The following GRM5 variants were observed in gnomAD, a reference collection of about 807,000 sequenced individuals.
The protein encoded by GRM5 is glutamate metabotropic receptor 5.
A neutral mutation model predicts 83.1 loss-of-function variants in GRM5; 19 were observed. The ratio of observed to expected loss-of-function variants is 0.23; its 90% CI spans 0.16 to 0.34. GRM5 has a LOEUF of 0.34. GRM5 is among the 10% of genes least tolerant of loss of function. The pLI, the probability that GRM5 is intolerant of heterozygous loss-of-function variation, is 1.00. For synonymous variants in GRM5, 675 were observed against 633.6 expected (o/e 1.07, Z -0.98); for missense variants, 1,160 against 1,588.3 (o/e 0.73, Z 4.58).
intron 3 of GRM5, among the ~76,000 whole-genome samples, chr11:88,673,057 G>A (rs1400341484): frequency 6.6e-6 from 1 of 151,902 alleles, no homozygotes; most frequent in South Asian, 2.1e-4. Context: ...GAAAATTCCA[G>A]CCACTTAATT....
At chr11:88,616,159 T>C (rs892682188) in intron 4 of GRM5, among the ~76,000 whole-genome samples, 2 of 152,104 alleles carry the variant, frequency 1.3e-5, no homozygotes, top group Non-Finnish European at 2.9e-5. Flanking sequence ...ATAAAATAAA[T>C]TGATTTATGG....
intron 2 of GRM5, among the ~76,000 whole-genome samples, chr11:89,009,918 A>AAAAAAAAAAAAAAAAAAAAAAAC (rs1940646121): frequency 7.3e-6 from 1 of 136,184 alleles, no homozygotes; most frequent in African/African-American, 3.2e-5. Context: ...AAAAAAAAAA[A>AAAAAAAAAAAAAAAAAAAAAAAC]AAAAAAAAAA....
At chr11:88,796,987 TTC>T (rs1302076847) in intron 3 of GRM5, among the ~76,000 whole-genome samples, 2 of 151,190 alleles carry the variant, frequency 1.3e-5, no homozygotes, top group African/African-American at 4.9e-5. Context: ...CCTGGATAAT[TTC>T]TTAGTACAGA....
rs1182435650 is a variant in GRM5, at chr11:88,987,496, G to C, written c.661+59716C>G. Among the ~76,000 whole-genome samples the C allele has an allele frequency of 3.3e-5, 5 of 152,018 alleles. No individual in the cohort carries two copies. The East Asian group carries it at 9.7e-4, about 30-fold the overall frequency. On this transcript the variant is annotated intron_variant, in intron 2 of 9. Coordinates refer to ENST00000305447, the MANE Select transcript of GRM5 (RefSeq NM_001143831.3). Reference sequence around the variant, plus strand: ...AAAGCAGCCAGGAAGCTCGAACTGGGTGGAGCCCACCACAGCTCAAGGAGG... The same window carrying C: ...AAAGCAGCCAGGAAGCTCGAACTGGCTGGAGCCCACCACAGCTCAAGGAGG...
At chr11:88,552,839 A>G (rs1369169249) in intron 8 of GRM5, among the ~76,000 whole-genome samples, 2 of 152,170 alleles carry the variant, frequency 1.3e-5, no homozygotes, top group Admixed American at 6.5e-5. Context: ...CTGGAGATAC[A>G]GTCACAGAGC....
At chr11:88,920,532 G>A (rs12798740) in intron 2 of GRM5, among the ~76,000 whole-genome samples, 38,672 of 150,836 alleles carry the variant, frequency 0.26, 6,037 homozygotes, top group Non-Finnish European at 0.35. Flanking sequence ...CCAATATATA[G>A]AGGAGGAGGG....
intron 3 of GRM5, among the ~76,000 whole-genome samples, chr11:88,783,279 T>G (rs1340729928): frequency 2.0e-5 from 3 of 152,148 alleles, no homozygotes; most frequent in African/African-American, 2.4e-5. Flanking sequence ...TAGTCAGACC[T>G]GAATCTTTAG....
At chr11:88,598,262 G>A (rs1314746026) in intron 5 of GRM5, among the ~76,000 whole-genome samples, 3 of 152,076 alleles carry the variant, frequency 2.0e-5, no homozygotes, top group African/African-American at 7.2e-5. Flanking sequence ...GTAGCTATCT[G>A]GAAACTGATA....
At chr11:88,978,492 A>ACCTC (rs1939412776) in intron 2 of GRM5, among the ~76,000 whole-genome samples, 6 of 28,462 alleles carry the variant, frequency 2.1e-4, no homozygotes, top group South Asian at 2.3e-3. Context: ...AAAAAAAAAA[A>ACCTC]AAAAAAAAAA....
chr11:88,973,422 C>T (rs1939227977), intron 2 of GRM5, among the ~76,000 whole-genome samples: 1 of 151,982 alleles, frequency 6.6e-6, no homozygotes, highest in Admixed American at 6.6e-5. Context: ...CAGGTGGGCC[C>T]TAAAATACCA....
chr11:88,726,220 GCA>G (rs1359754846), intron 3 of GRM5, among the ~76,000 whole-genome samples: 1 of 152,106 alleles, frequency 6.6e-6, no homozygotes, highest in South Asian at 2.1e-4. Flanking sequence ...GAAAAACACA[GCA>G]CAAGAACTTC....
At chr11:88,819,230 A>C (rs1022475971) in intron 3 of GRM5, among the ~76,000 whole-genome samples, 1 of 152,206 alleles carries the variant, frequency 6.6e-6, no homozygotes, top group African/African-American at 2.4e-5. Flanking sequence ...TGGCCACATC[A>C]CATAACACTG....
chr11:89,042,484 G>A (rs967729980), intron 2 of GRM5, among the ~76,000 whole-genome samples: 3 of 152,058 alleles, frequency 2.0e-5, no homozygotes, highest in African/African-American at 4.8e-5. Context: ...ATTAAATGCT[G>A]GCCTGAGACA....
chr11:88,642,002 T>C (rs1939308654), intron 4 of GRM5, among the ~76,000 whole-genome samples: 1 of 152,142 alleles, frequency 6.6e-6, no homozygotes, highest in Non-Finnish European at 1.5e-5. Context: ...ACATTTCCTA[T>C]CCACTCTTCC....
intron 6 of GRM5, among the ~76,000 whole-genome samples, chr11:88,592,907 C>G (rs1037637796): frequency 8.5e-5 from 13 of 152,144 alleles, no homozygotes; most frequent in African/African-American, 3.1e-4. Flanking sequence ...TTGACCTCCC[C>G]AGCCCAAGAG....
At chr11:88,541,920 T>C (rs1163339027) in intron 8 of GRM5, among the ~76,000 whole-genome samples, 1 of 152,212 alleles carries the variant, frequency 6.6e-6, no homozygotes, top group Admixed American at 6.5e-5. Context: ...GCTCTTCTCA[T>C]GATAGTGAGT....
At chr11:88,818,245 G>T (rs1191114433) in intron 3 of GRM5, among the ~76,000 whole-genome samples, 3 of 152,016 alleles carry the variant, frequency 2.0e-5, no homozygotes, top group East Asian at 3.8e-4. Flanking sequence ...CACCACATTT[G>T]GTTTACTTGC....
At chr11:88,634,606 C>G (rs899509863) in intron 4 of GRM5, among the ~76,000 whole-genome samples, 1 of 152,164 alleles carries the variant, frequency 6.6e-6, no homozygotes, top group Admixed American at 6.5e-5. Context: ...CAATAACACA[C>G]GGAGCTGTTA....
At chr11:88,696,518 A>G (rs560706755) in intron 3 of GRM5, among the ~76,000 whole-genome samples, 1 of 152,324 alleles carries the variant, frequency 6.6e-6, no homozygotes, top group East Asian at 1.9e-4. Flanking sequence ...TGAACATTAA[A>G]TAATCATAAT....
Sources: gnomAD v4.1 joint callset for allele counts (sites outside exome capture counted in the v4.1 genomes callset) on GRCh38, gnomAD v4.1.1 for gene constraint, MANE v1.5 for transcripts, NCBI Gene and HGNC (gene_info 2026-07-23, HGNC 2026-07-21) for gene names.